Variants in ARHGAP42 observed in about 807,000 individuals in gnomAD.
The protein encoded by ARHGAP42 is rho GTPase-activating protein 42.
A neutral mutation model predicts 125.0 loss-of-function variants in ARHGAP42; 63 were observed. The observed-to-expected ratio is 0.50, with a 90% CI of 0.41 to 0.62. ARHGAP42 has a LOEUF of 0.62. ARHGAP42 is among the 20% of genes least tolerant of loss of function. ARHGAP42 has a pLI of 0.00. For missense variants in ARHGAP42, 766 were observed against 1,024.2 expected (o/e 0.75, Z 3.44); for synonymous variants, 339 against 351.0 (o/e 0.97, Z 0.38).
At chr11:100,716,273 C>T (rs955371989) in intron 1 of ARHGAP42, among the ~76,000 whole-genome samples, 1 of 152,184 alleles carries the variant, frequency 6.6e-6, no homozygotes, top group Admixed American at 6.5e-5. Context: ...CAGGCCATGA[C>T]AGCAATGCAG....
chr11:100,872,961 G>C (rs1355566208), intron 4 of ARHGAP42, among the ~76,000 whole-genome samples: 1 of 152,130 alleles, frequency 6.6e-6, no homozygotes. Context: ...TAATTGAAAG[G>C]CATCACTGAT....
chr11:100,891,013 G>A (rs1014827038), intron 4 of ARHGAP42, among the ~76,000 whole-genome samples: 2 of 152,212 alleles, frequency 1.3e-5, no homozygotes, highest in Non-Finnish European at 2.9e-5. Context: ...AGGCAGATGA[G>A]TCAGAGATGC....
chr11:100,949,284 A>G (rs1197166434), intron 11 of ARHGAP42, among the ~76,000 whole-genome samples: 1 of 152,118 alleles, frequency 6.6e-6, no homozygotes, highest in African/African-American at 2.4e-5. Context: ...CCACAGTAAG[A>G]TCAGTACAGA....
intron 3 of ARHGAP42, among the ~76,000 whole-genome samples, chr11:100,799,455 A>T (rs1244279121): frequency 6.6e-6 from 1 of 152,202 alleles, no homozygotes; most frequent in African/African-American, 2.4e-5. Context: ...TACGTGCTTT[A>T]TATGTGATCC....
At chr11:100,946,541 T>C (rs998249958) in intron 10 of ARHGAP42, among the ~76,000 whole-genome samples, 1 of 152,064 alleles carries the variant, frequency 6.6e-6, no homozygotes, top group Non-Finnish European at 1.5e-5. Context: ...TTAGAGGTCA[T>C]TGTGAGATTA....
chr11:100,700,747 A>G (rs1861382981), intron 1 of ARHGAP42, among the ~76,000 whole-genome samples: 1 of 152,212 alleles, frequency 6.6e-6, no homozygotes, highest in African/African-American at 2.4e-5. Context: ...TCACATCTGC[A>G]CTTACTTCCT....
At chr11:100,888,979 T>A (rs1282320097) in intron 4 of ARHGAP42, among the ~76,000 whole-genome samples, 1 of 152,238 alleles carries the variant, frequency 6.6e-6, no homozygotes, top group East Asian at 1.9e-4. Context: ...TTGTTGAAAT[T>A]CTTGTGGCAT....
intron 4 of ARHGAP42, among the ~76,000 whole-genome samples, chr11:100,863,408 G>A (rs956360345): frequency 6.6e-6 from 1 of 152,164 alleles, no homozygotes; most frequent in African/African-American, 2.4e-5. Context: ...AGTGGAAAAT[G>A]CTGAGTCAAA....
intron 4 of ARHGAP42, among the ~76,000 whole-genome samples, chr11:100,889,950 A>T (rs115491908): frequency 0.014 from 2,118 of 152,298 alleles, 51 homozygotes; most frequent in African/African-American, 0.048. Flanking sequence ...AACCAAGGCC[A>T]GTCTTTTGGA....
intron 1 of ARHGAP42, among the ~76,000 whole-genome samples, chr11:100,690,621 G>C (rs756721651): frequency 1.1e-4 from 16 of 152,060 alleles, no homozygotes; most frequent in Non-Finnish European, 2.1e-4. Flanking sequence ...TTTTGTGACA[G>C]AGTCTCGCTC....
intron 12 of ARHGAP42, 60 bp downstream of exon 12, chr11:100,950,016 A>G: frequency 1.9e-6 from 2 of 1,046,832 alleles, no homozygotes; most frequent in Non-Finnish European, 2.8e-6. Flanking sequence ...ACACAAAAGC[A>G]TTAGGTGATT....
intron 5 of ARHGAP42, among the ~76,000 whole-genome samples, chr11:100,921,044 G>A (rs971739062): frequency 6.6e-6 from 1 of 150,914 alleles, no homozygotes; most frequent in Non-Finnish European, 1.5e-5. Context: ...TACTTTTTCA[G>A]GAAAACGGCC....
At chr11:100,840,107 G>A (rs900362093) in intron 3 of ARHGAP42, among the ~76,000 whole-genome samples, 1 of 152,100 alleles carries the variant, frequency 6.6e-6, no homozygotes, top group African/African-American at 2.4e-5. Context: ...GCTTGAAAAA[G>A]GAAAGAACTC....
intron 4 of ARHGAP42, among the ~76,000 whole-genome samples, chr11:100,861,012 G>T (rs550751701): frequency 3.9e-5 from 6 of 152,160 alleles, no homozygotes; most frequent in Non-Finnish European, 7.4e-5. Flanking sequence ...TATCTTTCAT[G>T]AAAAACAGAC....
chr11:100,747,566 T>C (rs1862333683), intron 1 of ARHGAP42, among the ~76,000 whole-genome samples: 1 of 152,230 alleles, frequency 6.6e-6, no homozygotes, highest in African/African-American at 2.4e-5. Flanking sequence ...CCCCTTTAAC[T>C]TTACCCAATG....
At chr11:100,872,424 C>G (rs1865718332) in intron 4 of ARHGAP42, among the ~76,000 whole-genome samples, 1 of 151,926 alleles carries the variant, frequency 6.6e-6, no homozygotes, top group Non-Finnish European at 1.5e-5. Flanking sequence ...GAGATAGAAT[C>G]TCGCTCTGTC....
intron 2 of ARHGAP42, among the ~76,000 whole-genome samples, chr11:100,794,682 A>G (rs1043929725): frequency 2.0e-5 from 3 of 152,220 alleles, no homozygotes; most frequent in African/African-American, 7.2e-5. Flanking sequence ...GGCTGCTACT[A>G]AGTACACGAA....
At chr11:100,703,125 G>C (rs527954188) in intron 1 of ARHGAP42, among the ~76,000 whole-genome samples, 2 of 152,232 alleles carry the variant, frequency 1.3e-5, no homozygotes, top group Non-Finnish European at 1.5e-5. Context: ...ATACTGTTTC[G>C]TATTACTTTC....
chr11:100,919,997 C>A (rs1443707495), intron 5 of ARHGAP42, among the ~76,000 whole-genome samples: 2 of 152,142 alleles, frequency 1.3e-5, no homozygotes, highest in Non-Finnish European at 2.9e-5. Flanking sequence ...TCCCTCATTA[C>A]TAAATTAATT....
Sources: gnomAD v4.1 joint callset for allele counts (sites outside exome capture counted in the v4.1 genomes callset) on GRCh38, gnomAD v4.1.1 for gene constraint, MANE v1.5 for transcripts, NCBI Gene and HGNC (gene_info 2026-07-23, HGNC 2026-07-21) for gene names.